Variants in GRIN2A observed in about 807,000 individuals in gnomAD.
GRIN2A encodes the protein glutamate receptor ionotropic, NMDA 2A.
A neutral mutation model predicts 113.4 loss-of-function variants in GRIN2A; 22 were observed. That is an observed-to-expected ratio of 0.19 (90% CI 0.14 to 0.28). GRIN2A has a LOEUF of 0.28. GRIN2A is among the 10% of genes least tolerant of loss of function. The pLI is 1.00. For missense variants in GRIN2A, 1,502 were observed against 1,887.0 expected (o/e 0.80, Z 3.78); for synonymous variants, 827 against 738.4 (o/e 1.12, Z -1.94).
chr16:9,983,630 G>A (rs537967434), intron 2 of GRIN2A, among the ~76,000 whole-genome samples: 5 of 151,974 alleles, frequency 3.3e-5, no homozygotes, highest in African/African-American at 4.8e-5. Context: ...TAGTAGAGAC[G>A]GAGTTTCACT....
intron 2 of GRIN2A, among the ~76,000 whole-genome samples, chr16:10,158,017 T>G (rs2049736714): frequency 6.6e-6 from 1 of 152,122 alleles, no homozygotes; most frequent in Non-Finnish European, 1.5e-5. Flanking sequence ...TATTTATTTA[T>G]TTTTTGAGAC....
chr16:9,941,675 G>GA (rs944726449), intron 2 of GRIN2A, among the ~76,000 whole-genome samples: 6 of 151,678 alleles, frequency 4.0e-5, no homozygotes, highest in East Asian at 1.9e-4. Flanking sequence ...GGATGGGGGG[G>GA]AAAAAAAACA....
chr16:9,922,523 T>C (rs2044376827), intron 3 of GRIN2A, among the ~76,000 whole-genome samples: 1 of 152,150 alleles, frequency 6.6e-6, no homozygotes. Context: ...ATTATTTTTA[T>C]TAGGAAACAC....
chr16:9,884,414 C>T (rs1304453711), intron 4 of GRIN2A, among the ~76,000 whole-genome samples: 1 of 151,980 alleles, frequency 6.6e-6, no homozygotes, highest in Non-Finnish European at 1.5e-5. Flanking sequence ...CCAGGAGTGG[C>T]TGCACGTGTC....
At chr16:10,096,147 A>G (rs892601618) in intron 2 of GRIN2A, among the ~76,000 whole-genome samples, 2 of 152,178 alleles carry the variant, frequency 1.3e-5, no homozygotes, top group Non-Finnish European at 2.9e-5. Context: ...CTGGGGGTTT[A>G]GGGCCCAGGC....
At chr16:9,988,084 T>C (rs1031080110) in intron 2 of GRIN2A, among the ~76,000 whole-genome samples, 2 of 152,064 alleles carry the variant, frequency 1.3e-5, no homozygotes, top group Non-Finnish European at 2.9e-5. Flanking sequence ...CCAAAGCCCA[T>C]ATGGCTTCCA....
chr16:9,892,046 T>C (rs1160291011), intron 3 of GRIN2A, among the ~76,000 whole-genome samples: 1 of 152,018 alleles, frequency 6.6e-6, no homozygotes, highest in African/African-American at 2.4e-5. Context: ...CTGACCAACA[T>C]GGAGAAACCC....
chr16:10,158,368 C>G (rs984745071), intron 2 of GRIN2A, among the ~76,000 whole-genome samples: 1 of 152,132 alleles, frequency 6.6e-6, no homozygotes, highest in African/African-American at 2.4e-5. Context: ...TATCTATCCT[C>G]AATAAGTCAA....
intron 2 of GRIN2A, among the ~76,000 whole-genome samples, chr16:10,116,089 A>G (rs1016995394): frequency 6.6e-5 from 10 of 152,234 alleles, no homozygotes; most frequent in African/African-American, 2.4e-4. Context: ...TCAATGATAG[A>G]CTGGATAAAG....
chr16:10,060,976 G>A (rs142326577), intron 2 of GRIN2A, among the ~76,000 whole-genome samples: 1 of 152,252 alleles, frequency 6.6e-6, no homozygotes, highest in African/African-American at 2.4e-5. Context: ...TTCCTTTTTA[G>A]AACTCCAGTT....
intron 2 of GRIN2A, among the ~76,000 whole-genome samples, chr16:10,019,053 T>G (rs1035380715): frequency 7.1e-5 from 10 of 141,360 alleles, no homozygotes; most frequent in African/African-American, 2.4e-4. Flanking sequence ...AAGGAAGTGT[T>G]GATCTCCAAA....
intron 4 of GRIN2A, among the ~76,000 whole-genome samples, chr16:9,878,683 T>C (rs758925674): frequency 6.6e-6 from 1 of 152,188 alleles, no homozygotes; most frequent in Non-Finnish European, 1.5e-5. Context: ...GAGATGTCTT[T>C]TCTATGAACT....
intron 10 of GRIN2A, among the ~76,000 whole-genome samples, chr16:9,804,911 A>C (rs1166912418): frequency 6.6e-6 from 1 of 152,226 alleles, no homozygotes; most frequent in Non-Finnish European, 1.5e-5. Flanking sequence ...TCCTCTCTGT[A>C]AATTAGCAAA....
intron 11 of GRIN2A, among the ~76,000 whole-genome samples, chr16:9,787,621 A>G (rs1305534255): frequency 6.6e-6 from 1 of 152,196 alleles, no homozygotes; most frequent in Non-Finnish European, 1.5e-5. Flanking sequence ...CGAATATTTT[A>G]CAGAGTTTGG....
At chr16:9,849,495 C>T (rs1253321802) in intron 5 of GRIN2A, among the ~76,000 whole-genome samples, 1 of 151,906 alleles carries the variant, frequency 6.6e-6, no homozygotes, top group Non-Finnish European at 1.5e-5. Flanking sequence ...TCATAATCTT[C>T]CCATAACTCG....
chr16:10,136,887 T>A (rs1035494428), intron 2 of GRIN2A, among the ~76,000 whole-genome samples: 1 of 152,058 alleles, frequency 6.6e-6, no homozygotes, highest in Non-Finnish European at 1.5e-5. Flanking sequence ...GAAACACTGG[T>A]AAGAGGAAAG....
At chr16:9,863,602 T>C (rs1415589479) in intron 4 of GRIN2A, among the ~76,000 whole-genome samples, 1 of 152,200 alleles carries the variant, frequency 6.6e-6, no homozygotes, top group Non-Finnish European at 1.5e-5. Context: ...GAAAATCAAC[T>C]GTTCAAATGT....
At chr16:9,829,997 T>C (rs542667072) in intron 8 of GRIN2A, among the ~76,000 whole-genome samples, 2 of 152,208 alleles carry the variant, frequency 1.3e-5, no homozygotes, top group Admixed American at 1.3e-4. Flanking sequence ...TTAATAAACA[T>C]AAAGAGAGCC....
At chr16:9,788,430 G>A (rs1051757250) in intron 11 of GRIN2A, among the ~76,000 whole-genome samples, 2 of 151,718 alleles carry the variant, frequency 1.3e-5, no homozygotes, top group African/African-American at 4.8e-5. Context: ...GCTGATTTGT[G>A]TATTTTTAGT....
Sources: allele counts gnomAD v4.1 joint callset (sites outside exome capture counted in the v4.1 genomes callset), GRCh38; gene constraint gnomAD v4.1.1; transcripts MANE v1.5; gene names NCBI Gene and HGNC (gene_info 2026-07-23, HGNC 2026-07-21).